Variants in VMP1 observed in about 807,000 individuals in gnomAD.
The protein encoded by VMP1 is ectopic P-granules autophagy protein 3 homolog.
VMP1 carries 11 observed loss-of-function variants against 56.0 expected under a neutral mutation model. The ratio of observed to expected loss-of-function variants is 0.20; its 90% CI spans 0.12 to 0.32. VMP1 has a LOEUF of 0.32. Among genes scored for constraint, VMP1 ranks in the 10% least tolerant of loss-of-function variants. The pLI is 1.00. For missense variants in VMP1, 296 were observed against 490.3 expected (o/e 0.60, Z 3.74); for synonymous variants, 149 against 165.0 (o/e 0.90, Z 0.74).
chr17:59,797,385 G>A (rs1396776489), intron 7 of VMP1, among the ~76,000 whole-genome samples: 1 of 150,124 alleles, frequency 6.7e-6, no homozygotes, highest in Non-Finnish European at 1.5e-5. Context: ...TTAAATAATA[G>A]TTCAAAAGCG....
At chr17:59,825,139 C>T (rs1165941770) in intron 10 of VMP1, among the ~76,000 whole-genome samples, 3 of 127,412 alleles carry the variant, frequency 2.4e-5, no homozygotes, top group African/African-American at 6.1e-5. Flanking sequence ...CAGGCTGGAG[C>T]GCTGTGGTGC....
chr17:59,724,536 G>T (rs1200721330), intron 1 of VMP1, among the ~76,000 whole-genome samples: 1 of 152,124 alleles, frequency 6.6e-6, no homozygotes, highest in Admixed American at 6.5e-5. Flanking sequence ...GCCTGTCGTG[G>T]TGGTGCACAC....
chr17:59,732,367 C>T (rs560542250), intron 2 of VMP1, among the ~76,000 whole-genome samples: 5 of 152,104 alleles, frequency 3.3e-5, no homozygotes, highest in Non-Finnish European at 7.3e-5. Context: ...CTCAGCCTCC[C>T]GAGTAGCTGG....
chr17:59,817,306 G>A (rs2038277069), intron 9 of VMP1, among the ~76,000 whole-genome samples: 2 of 145,196 alleles, frequency 1.4e-5, no homozygotes, highest in Non-Finnish European at 3.0e-5. Context: ...AAAAAAAAAG[G>A]AATACAAAGT....
At chr17:59,801,847 C>T (rs1460538473) in intron 7 of VMP1, among the ~76,000 whole-genome samples, 1 of 151,948 alleles carries the variant, frequency 6.6e-6, no homozygotes, top group Non-Finnish European at 1.5e-5. Flanking sequence ...TGCGTCTTTG[C>T]ACTCTAGCCT....
At chr17:59,723,013 G>T (rs770171769) in intron 1 of VMP1, among the ~76,000 whole-genome samples, 1 of 152,080 alleles carries the variant, frequency 6.6e-6, no homozygotes, top group African/African-American at 2.4e-5. Context: ...TTGGAGGGTG[G>T]GGTTGTCTTC....
At chr17:59,828,239 C>G (rs1198087530) in intron 10 of VMP1, among the ~76,000 whole-genome samples, 1 of 152,190 alleles carries the variant, frequency 6.6e-6, no homozygotes, top group Non-Finnish European at 1.5e-5. Context: ...TAGAGCTTCT[C>G]TTTAATGTTA....
intron 6 of VMP1, among the ~76,000 whole-genome samples, chr17:59,773,289 A>C (rs529652537): frequency 6.7e-6 from 1 of 150,308 alleles, no homozygotes; most frequent in East Asian, 2.0e-4. Context: ...CAGATCATTT[A>C]GATATCAGAA....
intron 5 of VMP1, among the ~76,000 whole-genome samples, chr17:59,750,949 TGG>T (rs1568076698): frequency 6.9e-6 from 1 of 144,512 alleles, no homozygotes; most frequent in Admixed American, 6.8e-5. Context: ...TTTTTTTTTT[TGG>T]AGACAGAGTC....
intron 5 of VMP1, among the ~76,000 whole-genome samples, chr17:59,760,160 A>G (rs2035999013): frequency 6.6e-6 from 1 of 151,642 alleles, no homozygotes; most frequent in East Asian, 1.9e-4. Flanking sequence ...TGGTTGTCCT[A>G]AGGTTTGCAA....
chr17:59,805,231 G>A (rs2037806057), intron 7 of VMP1, among the ~76,000 whole-genome samples: 1 of 152,176 alleles, frequency 6.6e-6, no homozygotes, highest in Non-Finnish European at 1.5e-5. Flanking sequence ...GAGCACCCAG[G>A]CATCTGAAAG....
At chr17:59,710,092 G>C (rs778044027) in intron 1 of VMP1, among the ~76,000 whole-genome samples, 1 of 152,088 alleles carries the variant, frequency 6.6e-6, no homozygotes, top group Non-Finnish European at 1.5e-5. Flanking sequence ...AGCTACTCCG[G>C]AGGCTGAGGC....
At chr17:59,718,649 A>C (rs1321465775) in intron 1 of VMP1, among the ~76,000 whole-genome samples, 1 of 151,954 alleles carries the variant, frequency 6.6e-6, no homozygotes, top group Non-Finnish European at 1.5e-5. Flanking sequence ...GACTACATGC[A>C]CATACCACCA....
chr17:59,714,671 G>A (rs941543714), intron 1 of VMP1, among the ~76,000 whole-genome samples: 1 of 151,886 alleles, frequency 6.6e-6, no homozygotes, highest in African/African-American at 2.4e-5. Flanking sequence ...GGGCGGTGCA[G>A]GGAGAGGGCT....
At chr17:59,808,410 C>G (rs550788296) in intron 7 of VMP1, among the ~76,000 whole-genome samples, 1 of 152,206 alleles carries the variant, frequency 6.6e-6, no homozygotes, top group South Asian at 2.1e-4. Flanking sequence ...GGCTAGTGAT[C>G]GGCAGAGATG....
intron 1 of VMP1, among the ~76,000 whole-genome samples, chr17:59,719,316 C>CACAAACAAACAAACAA (rs3064258): frequency 2.1e-4 from 32 of 150,626 alleles, no homozygotes; most frequent in African/African-American, 5.4e-4. Flanking sequence ...AAGACCCTGT[C>CACAAACAAACAAACAA]ACAAACAAAC....
At chr17:59,750,604 C>T (rs936563406) in intron 5 of VMP1, among the ~76,000 whole-genome samples, 1 of 151,990 alleles carries the variant, frequency 6.6e-6, no homozygotes, top group African/African-American at 2.4e-5. Context: ...GCCCAGCCCA[C>T]AATGAGTGAT....
At chr17:59,817,554 G>T (rs890389654) in intron 9 of VMP1, among the ~76,000 whole-genome samples, 158 bp from the exon 10 acceptor site, 1 of 151,858 alleles carries the variant, frequency 6.6e-6, no homozygotes, top group African/African-American at 2.4e-5. Flanking sequence ...GTTTCACCAT[G>T]TTGGACAGGA....
At chr17:59,795,397 G>A (rs370912563) in intron 7 of VMP1, among the ~76,000 whole-genome samples, 5 of 152,048 alleles carry the variant, frequency 3.3e-5, no homozygotes, top group African/African-American at 7.2e-5. Context: ...GATTACAGGC[G>A]TGAACCACTG....
Sources: gnomAD v4.1 joint callset for allele counts (sites outside exome capture counted in the v4.1 genomes callset) on GRCh38, gnomAD v4.1.1 for gene constraint, MANE v1.5 for transcripts, NCBI Gene and HGNC (gene_info 2026-07-23, HGNC 2026-07-21) for gene names.